Variants in PDE8B observed in about 807,000 individuals in gnomAD.
The protein encoded by PDE8B is phosphodiesterase 8B.
In PDE8B, 26 loss-of-function variants were observed where a neutral mutation model predicts 101.3. The observed-to-expected ratio is 0.26, with a 90% CI of 0.19 to 0.36. The LOEUF (loss-of-function observed/expected upper bound fraction) is 0.36, where lower values mean the gene tolerates loss of function less well. Ranked by LOEUF, PDE8B falls within the 10% of genes least tolerant of loss-of-function variation. The pLI is 1.00. For synonymous variants in PDE8B, 424 were observed against 429.3 expected, an observed-to-expected ratio of 0.99 and a Z score of 0.15; for missense variants, 810 against 1,163.1, an observed-to-expected ratio of 0.70 and a Z score of 4.42.
At chr5:77,266,943 T>C (rs952026005) in intron 1 of PDE8B, among the ~76,000 whole-genome samples, 11 of 152,130 alleles carry the variant, frequency 7.2e-5, no homozygotes, top group African/African-American at 2.2e-4. Context: ...TGAAAACTTG[T>C]CAGATTCATC....
chr5:77,280,534 C>T (rs1417991421), intron 1 of PDE8B, among the ~76,000 whole-genome samples: 2 of 152,206 alleles, frequency 1.3e-5, no homozygotes, highest in Non-Finnish European at 2.9e-5. Flanking sequence ...CCTGGCAATG[C>T]CAAATTGCTG....
At position 77,301,897 on chromosome 5, in the gene PDE8B, G is replaced by T. The variant is rs532730014; in HGVS notation, c.340-10097G>T. Among the ~76,000 whole-genome samples, 356 of 151,840 alleles carry T rather than the reference G, an allele frequency of 2.3e-3. 1 individual carries two copies. The highest frequency in any genetic ancestry group is 8.1e-3 in the African/African-American group (336 of 41,340). On this transcript the variant is annotated intron_variant, in intron 1 of 21. Coordinates refer to ENST00000264917, the MANE Select transcript of PDE8B (RefSeq NM_003719.5). Reference sequence around the variant, plus strand: ...CGAACTGCAGTTTGGGGTTTTTTTTGTTTTGTTTTGTTTTGTTTTCCTCCT... The same window carrying T: ...CGAACTGCAGTTTGGGGTTTTTTTTTTTTTGTTTTGTTTTGTTTTCCTCCT...
chr5:77,345,208 G>A (rs564964015), intron 7 of PDE8B, among the ~76,000 whole-genome samples: 6 of 152,276 alleles, frequency 3.9e-5, no homozygotes, highest in Admixed American at 1.3e-4. Flanking sequence ...TCACTCTGTC[G>A]CCCAGGCTGT....
intron 1 of PDE8B, among the ~76,000 whole-genome samples, chr5:77,256,023 G>C (rs1759088720): frequency 6.6e-6 from 1 of 152,138 alleles, no homozygotes; most frequent in African/African-American, 2.4e-5. Flanking sequence ...ATTTGCTCTC[G>C]TGGTTGATTT....
chr5:77,378,231 C>T (rs62364322), intron 10 of PDE8B, among the ~76,000 whole-genome samples: 398 of 152,026 alleles, frequency 2.6e-3, no homozygotes, highest in South Asian at 5.2e-3. Context: ...GAGGCTGAGG[C>T]GGGTGGATCA....
At chr5:77,370,959 C>T (rs1254765731) in intron 10 of PDE8B, among the ~76,000 whole-genome samples, 1 of 152,172 alleles carries the variant, frequency 6.6e-6, no homozygotes, top group Non-Finnish European at 1.5e-5. Context: ...AAAGTGTCTA[C>T]TCAAATCCTT....
At chr5:77,189,097 C>T in the PDE8B span, among the ~76,000 whole-genome samples, 3 of 152,196 alleles carry the variant, frequency 2.0e-5, no homozygotes, top group Admixed American at 1.3e-4. Flanking sequence ...GCACTGCTGT[C>T]ATTCACACCC....
At chr5:77,412,645 C>CAA in intron 16 of PDE8B, among the ~76,000 whole-genome samples, 1 of 151,834 alleles carries the variant, frequency 6.6e-6, no homozygotes, top group Non-Finnish European at 1.5e-5. Context: ...CTGTTTCTTC[C>CAA]CAGAGGTGTT....
At chr5:77,387,653 A>G (rs1427031586) in intron 10 of PDE8B, among the ~76,000 whole-genome samples, 1 of 152,154 alleles carries the variant, frequency 6.6e-6, no homozygotes, top group African/African-American at 2.4e-5. Context: ...TCTCCTGGAT[A>G]ATATCCTGAA....
intron 11 of PDE8B, among the ~76,000 whole-genome samples, chr5:77,400,909 T>A (rs1441531628): frequency 1.3e-5 from 2 of 152,174 alleles, no homozygotes; most frequent in Non-Finnish European, 2.9e-5. Context: ...AGTTAAGATT[T>A]TTGTGCCTGC....
At chr5:77,180,495 C>G in the PDE8B span, 4 of 985,350 alleles carry the variant, frequency 4.1e-6, no homozygotes, top group Non-Finnish European at 4.8e-6. Flanking sequence ...AGGTGAGCCC[C>G]CAGCGCGGGG....
chr5:77,349,778 G>A (rs143271133), intron 8 of PDE8B, among the ~76,000 whole-genome samples: 1 of 152,280 alleles, frequency 6.6e-6, no homozygotes, highest in Non-Finnish European at 1.5e-5. Context: ...GATTTTGTGT[G>A]AAAACATTTC....
chr5:77,122,806 A>C, the PDE8B span, among the ~76,000 whole-genome samples: 1 of 152,232 alleles, frequency 6.6e-6, no homozygotes, highest in Non-Finnish European at 1.5e-5. Flanking sequence ...GAAAGTAAGC[A>C]ACTAGAAAAC....
intron 1 of PDE8B, among the ~76,000 whole-genome samples, chr5:77,264,513 A>G (rs769257043): frequency 2.1e-4 from 32 of 152,356 alleles, no homozygotes; most frequent in South Asian, 8.3e-4. Context: ...GGCATGAACC[A>G]GTAATCAAAT....
the PDE8B span, among the ~76,000 whole-genome samples, chr5:77,139,068 C>G: frequency 6.6e-6 from 1 of 152,188 alleles, no homozygotes. Flanking sequence ...CCCAGTTAGT[C>G]AACATCTGTC....
intron 1 of PDE8B, among the ~76,000 whole-genome samples, chr5:77,243,320 A>AT (rs1424294186): frequency 3.3e-5 from 5 of 152,092 alleles, no homozygotes; most frequent in South Asian, 2.1e-4. Context: ...TTAGCATTGC[A>AT]TTTTTTTGTT....
intron 12 of PDE8B, 67 bp from the exon 13 acceptor site, chr5:77,407,310 GGGAC>G (rs1354873534): frequency 5.5e-5 from 62 of 1,135,246 alleles, no homozygotes; most frequent in Non-Finnish European, 8.2e-5. Flanking sequence ...GGTCCATGAA[GGGAC>G]TCCTTTGCTG....
intron 10 of PDE8B, among the ~76,000 whole-genome samples, chr5:77,393,359 C>T (rs1183844062): frequency 6.6e-6 from 1 of 150,970 alleles, no homozygotes; most frequent in Non-Finnish European, 1.5e-5. Context: ...GCACCCACTG[C>T]TCTCCAGCCT....
chr5:77,423,435 C>T (rs1198029762), intron 20 of PDE8B, among the ~76,000 whole-genome samples: 7 of 152,032 alleles, frequency 4.6e-5, no homozygotes, highest in Admixed American at 1.3e-4. Flanking sequence ...GAGAAATCTC[C>T]GAACTGCTTT....
Sources: gnomAD v4.1 joint callset for allele counts (sites outside exome capture counted in the v4.1 genomes callset) on GRCh38, gnomAD v4.1.1 for gene constraint, MANE v1.5 for transcripts, NCBI Gene and HGNC (gene_info 2026-07-23, HGNC 2026-07-21) for gene names.